The following DIP2C variants were observed in gnomAD, a reference collection of about 807,000 sequenced individuals.
The protein encoded by DIP2C is DIP2 acetate--CoA ligase C (putative).
In DIP2C, 33 loss-of-function variants were observed where a neutral mutation model predicts 192.4. The ratio of observed to expected loss-of-function variants is 0.17; its 90% confidence interval spans 0.13 to 0.23. The LOEUF (loss-of-function observed/expected upper bound fraction) is 0.23. Among genes scored for constraint, DIP2C ranks in the 10% least tolerant of loss-of-function variants. The probability of loss-of-function intolerance (pLI) is 1.00; values close to 1 mark genes in which losing one functional copy is unlikely to be tolerated. For synonymous variants in DIP2C, 979 were observed against 864.1 expected (o/e 1.13, Z -2.33); for missense variants, 1,537 against 2,110.1 (o/e 0.73, Z 5.32).
At chr10:415,100 A>C (rs1048275940) in intron 7 of DIP2C, among the ~76,000 whole-genome samples, 2 of 151,752 alleles carry the variant, frequency 1.3e-5, no homozygotes, top group African/African-American at 4.8e-5. Context: ...CGGAGTGAGT[A>C]TTTTCCTGAG....
At chr10:547,576 G>A (rs1384401795) in intron 1 of DIP2C, among the ~76,000 whole-genome samples, 1 of 152,202 alleles carries the variant, frequency 6.6e-6, no homozygotes, top group Non-Finnish European at 1.5e-5. Flanking sequence ...AGAAAAAGGG[G>A]CTGGAACAGT....
chr10:344,561 G>A (rs1451912850), intron 28 of DIP2C, among the ~76,000 whole-genome samples: 2 of 152,250 alleles, frequency 1.3e-5, no homozygotes, highest in Admixed American at 6.5e-5. Context: ...AACATTCGCA[G>A]TGTTCTACTG....
chr10:432,411 C>T (rs1966869537), intron 4 of DIP2C, among the ~76,000 whole-genome samples: 1 of 152,130 alleles, frequency 6.6e-6, no homozygotes, highest in Non-Finnish European at 1.5e-5. Flanking sequence ...CAAATTTTGG[C>T]AGATTCTGTC....
chr10:550,306 G>A (rs1448284024), intron 1 of DIP2C, among the ~76,000 whole-genome samples: 2 of 151,996 alleles, frequency 1.3e-5, no homozygotes, highest in Non-Finnish European at 2.9e-5. Flanking sequence ...CACAGTGCCC[G>A]GCCCATGTAG....
At chr10:561,899 G>A (rs1052341983) in intron 1 of DIP2C, among the ~76,000 whole-genome samples, 6 of 152,192 alleles carry the variant, frequency 3.9e-5, no homozygotes, top group East Asian at 1.9e-4. Flanking sequence ...CGAGTCACGC[G>A]TGACAGCTCT....
At chr10:397,860 C>T (rs1964119730) in intron 10 of DIP2C, among the ~76,000 whole-genome samples, 1 of 152,184 alleles carries the variant, frequency 6.6e-6, no homozygotes. Flanking sequence ...CCAAAGTTAA[C>T]CTGAAAAACC....
At chr10:508,073 C>T (rs1004184552) in intron 1 of DIP2C, among the ~76,000 whole-genome samples, 1 of 152,300 alleles carries the variant, frequency 6.6e-6, no homozygotes, top group South Asian at 2.1e-4. Flanking sequence ...AGAGCAGCTC[C>T]TGATGACCCA....
intron 31 of DIP2C, among the ~76,000 whole-genome samples, chr10:312,040 G>C (rs1956588287): frequency 6.6e-6 from 1 of 152,198 alleles, no homozygotes; most frequent in Admixed American, 6.5e-5. Flanking sequence ...TAGGGCACTA[G>C]CTCTATCCAC....
At chr10:356,732 G>A (rs987478177) in intron 23 of DIP2C, among the ~76,000 whole-genome samples, 1 of 152,222 alleles carries the variant, frequency 6.6e-6, no homozygotes, top group African/African-American at 2.4e-5. Flanking sequence ...CAGGGACTTA[G>A]GTTCACAGCA....
intron 1 of DIP2C, chr10:668,427 C>T (rs1257049323): frequency 6.6e-6 from 1 of 152,170 alleles, no homozygotes; most frequent in African/African-American, 2.4e-5. Flanking sequence ...ACAACCCATA[C>T]AACATACAAT....
At chr10:455,231 G>A (rs1043254321) in intron 3 of DIP2C, among the ~76,000 whole-genome samples, 7 of 152,244 alleles carry the variant, frequency 4.6e-5, no homozygotes, top group Admixed American at 1.3e-4. Context: ...ATTTCCCTGG[G>A]TGCAAATCAG....
chr10:683,047 G>A (rs748733585), intron 1 of DIP2C, among the ~76,000 whole-genome samples: 7 of 152,116 alleles, frequency 4.6e-5, no homozygotes, highest in Non-Finnish European at 7.4e-5. Context: ...CATGAGTCGC[G>A]CAGCACAAAG....
chr10:367,292 CT>C (rs1960376170), intron 18 of DIP2C, among the ~76,000 whole-genome samples: 4 of 151,988 alleles, frequency 2.6e-5, no homozygotes, highest in African/African-American at 9.7e-5. Context: ...TGGCGGGCGC[CT>C]GTAGTCCCAG....
chr10:407,201 G>C (rs1192224152), intron 9 of DIP2C, among the ~76,000 whole-genome samples: 4 of 152,242 alleles, frequency 2.6e-5, no homozygotes, highest in Non-Finnish European at 4.4e-5. Context: ...CTGTTGGGTA[G>C]TTACGCTCGC....
At chr10:605,474 T>C (rs1290385711) in intron 1 of DIP2C, among the ~76,000 whole-genome samples, 4 of 152,208 alleles carry the variant, frequency 2.6e-5, no homozygotes, top group Non-Finnish European at 2.9e-5. Context: ...GATCAACTGA[T>C]GCCCGCCCTT....
At chr10:304,287 A>G (rs2132283768) in intron 32 of DIP2C, among the ~76,000 whole-genome samples, 1 of 152,254 alleles carries the variant, frequency 6.6e-6, no homozygotes, top group Middle Eastern at 3.4e-3. Context: ...ACTCCATTTC[A>G]CAGGAATTTT....
At chr10:334,867 T>A (rs1208536920) in intron 29 of DIP2C, among the ~76,000 whole-genome samples, 1 of 152,256 alleles carries the variant, frequency 6.6e-6, no homozygotes, top group Non-Finnish European at 1.5e-5. Context: ...TGAGAAGTTC[T>A]GAATTCTCCA....
intron 1 of DIP2C, chr10:650,040 T>TC (rs551651138): frequency 5.8e-6 from 4 of 694,670 alleles, no homozygotes; most frequent in South Asian, 4.6e-5. Context: ...TCTGAGCCTT[T>TC]CCTCCTGCAT....
intron 33 of DIP2C, among the ~76,000 whole-genome samples, chr10:286,684 TATA>T (rs1288628056): frequency 1.3e-5 from 2 of 152,190 alleles, no homozygotes; most frequent in African/African-American, 4.8e-5. Context: ...TGGTAAATGA[TATA>T]ATGTTTAACA....
Sources: allele counts gnomAD v4.1 joint callset (sites outside exome capture counted in the v4.1 genomes callset), GRCh38; gene constraint gnomAD v4.1.1; transcripts MANE v1.5; gene names NCBI Gene and HGNC (gene_info 2026-07-23, HGNC 2026-07-21).